The following ARID1B variants were observed in gnomAD, a reference collection of about 807,000 sequenced individuals.
ARID1B encodes the protein AT-rich interaction domain 1B, also known as AT-rich interactive domain-containing protein 1B.
A neutral mutation model predicts 212.3 loss-of-function variants in ARID1B; 30 were observed. The observed-to-expected ratio is 0.14, with a 90% CI of 0.11 to 0.19. The LOEUF is 0.19. Among genes scored for constraint, ARID1B ranks in the 10% least tolerant of loss-of-function variants. The pLI is 1.00. For missense variants in ARID1B, 2,891 were observed against 3,204.0 expected (o/e 0.90, Z 2.36); for synonymous variants, 1,402 against 1,301.7 (o/e 1.08, Z -1.66).
At chr6:157,104,006 T>G (rs1337462587) in intron 5 of ARID1B, among the ~76,000 whole-genome samples, 1 of 151,980 alleles carries the variant, frequency 6.6e-6, no homozygotes, top group African/African-American at 2.4e-5. Context: ...CGGCTAATTT[T>G]TTGTATTTTT....
At chr6:156,991,311 A>G (rs1356545223) in intron 4 of ARID1B, among the ~76,000 whole-genome samples, 2 of 152,028 alleles carry the variant, frequency 1.3e-5, no homozygotes, top group Non-Finnish European at 1.5e-5. Flanking sequence ...GCTCACTGCA[A>G]CCTCTGCCTC....
chr6:156,998,798 G>A (rs930400878), intron 4 of ARID1B, among the ~76,000 whole-genome samples: 18 of 152,182 alleles, frequency 1.2e-4, no homozygotes, highest in African/African-American at 4.1e-4. Flanking sequence ...TTTTCTCTGG[G>A]CCTCTATTCT....
chr6:156,911,732 G>A (rs978569946), intron 3 of ARID1B, among the ~76,000 whole-genome samples: 1 of 152,204 alleles, frequency 6.6e-6, no homozygotes, highest in Non-Finnish European at 1.5e-5. Context: ...TCCATTAGAA[G>A]GCTTGTGAGA....
chr6:156,803,640 T>C (rs1313311703), intron 1 of ARID1B, among the ~76,000 whole-genome samples: 1 of 152,000 alleles, frequency 6.6e-6, no homozygotes, highest in Non-Finnish European at 1.5e-5. Context: ...TCTCTTTTTT[T>C]TTTTTTTAAA....
At chr6:156,819,254 T>C (rs1411593766) in intron 1 of ARID1B, among the ~76,000 whole-genome samples, 1 of 152,250 alleles carries the variant, frequency 6.6e-6, no homozygotes, top group Non-Finnish European at 1.5e-5. Flanking sequence ...TGAACAATAC[T>C]GCATACTTAG....
chr6:157,189,851 T>C, intron 14 of ARID1B, 71 bp downstream of exon 14: 2 of 1,601,252 alleles, frequency 1.2e-6, no homozygotes, highest in Non-Finnish European at 8.5e-7. Context: ...GGGGCAAACT[T>C]CACAGAGAGA....
At chr6:156,855,454 G>A (rs1338902698) in intron 2 of ARID1B, among the ~76,000 whole-genome samples, 2 of 152,146 alleles carry the variant, frequency 1.3e-5, no homozygotes, top group Non-Finnish European at 1.5e-5. Flanking sequence ...CTGCAGGCCC[G>A]TCCACTTTGT....
At chr6:157,114,922 T>A (rs1176002555) in intron 6 of ARID1B, among the ~76,000 whole-genome samples, 2 of 152,186 alleles carry the variant, frequency 1.3e-5, no homozygotes, top group Admixed American at 1.3e-4. Flanking sequence ...CAGTTTCAAG[T>A]AGCTGAACCC....
intron 4 of ARID1B, among the ~76,000 whole-genome samples, chr6:157,082,174 A>T (rs758868676): frequency 1.3e-5 from 2 of 152,210 alleles, no homozygotes; most frequent in Non-Finnish European, 2.9e-5. Context: ...AGCTTGTACC[A>T]GTCATGATGT....
At chr6:157,129,971 C>T (rs1417710568) in intron 6 of ARID1B, among the ~76,000 whole-genome samples, 1 of 152,094 alleles carries the variant, frequency 6.6e-6, no homozygotes, top group African/African-American at 2.4e-5. Context: ...GCGTTCGAGA[C>T]CAGCCTGGCC....
chr6:156,944,005 C>A (rs899405385), intron 4 of ARID1B: 15 of 152,198 alleles, frequency 9.9e-5, no homozygotes, highest in African/African-American at 3.6e-4. Flanking sequence ...GGCAGACTCT[C>A]AGCTAAGGTT....
At chr6:157,123,362 T>G (rs1257632499) in intron 6 of ARID1B, among the ~76,000 whole-genome samples, 3 of 151,480 alleles carry the variant, frequency 2.0e-5, no homozygotes, top group Non-Finnish European at 4.4e-5. Flanking sequence ...GGCCTAAAAC[T>G]GACAAGCTGA....
chr6:157,161,427 G>GTATATATATATA (rs1259094120), intron 8 of ARID1B, among the ~76,000 whole-genome samples: 1 of 130,054 alleles, frequency 7.7e-6, no homozygotes, highest in African/African-American at 3.5e-5. Context: ...TTGATTGTGT[G>GTATATATATATA]TGTGTATATA....
Position 156,810,129 on chromosome 6 carries a change from A to G in ARID1B, c.1792-19098A>G, listed in dbSNP as rs1018129185. ...TTCTGTTCCTTGTCAGCTTATACACATGTACTATTAAATAGTCACAGTTTA... is the reference window on the plus strand; with the variant it reads ...TTCTGTTCCTTGTCAGCTTATACACGTGTACTATTAAATAGTCACAGTTTA... On this transcript the variant is annotated intron_variant, in intron 1 of 19. Transcript: ENST00000636930. 1.7e-4 allele frequency among the ~76,000 whole-genome samples: 26 copies of G among 152,216 alleles called. 1 individual carries two copies. Among genetic ancestry groups the G allele is most frequent in the Non-Finnish European group, 1.5e-5 (1 of 68,042 alleles).
At chr6:157,167,007 G>A (rs574828991) in intron 8 of ARID1B, 33 bp from the exon 9 acceptor site, 37 of 1,603,660 alleles carry the variant, frequency 2.3e-5, no homozygotes, top group Non-Finnish European at 3.0e-5. Context: ...GTGCATGGTC[G>A]GTATATGTGT....
chr6:157,135,838 G>T (rs995014340), intron 7 of ARID1B, among the ~76,000 whole-genome samples: 2 of 151,904 alleles, frequency 1.3e-5, no homozygotes, highest in African/African-American at 4.8e-5. Flanking sequence ...GACATATTCA[G>T]CTTCCTTCTT....
intron 8 of ARID1B, among the ~76,000 whole-genome samples, chr6:157,161,431 G>GTGTA (rs540423195): frequency 1.4e-4 from 20 of 139,404 alleles, no homozygotes; most frequent in Admixed American, 7.2e-4. Flanking sequence ...TTGTGTGTGT[G>GTGTA]TATATATATA....
chr6:157,071,581 TGAG>T (rs1014199847), intron 4 of ARID1B: 1 of 152,222 alleles, frequency 6.6e-6, no homozygotes, highest in African/African-American at 2.4e-5. Flanking sequence ...ACAAGATTGT[TGAG>T]GAGTTATTCC....
intron 4 of ARID1B, among the ~76,000 whole-genome samples, chr6:156,967,529 G>A (rs376976463): frequency 1.5e-3 from 213 of 139,300 alleles, no homozygotes; most frequent in African/African-American, 5.2e-3. Context: ...GAGGAGGAGG[G>A]AGAGAATGTG....
Sources: gnomAD v4.1 joint callset for allele counts (sites outside exome capture counted in the v4.1 genomes callset) on GRCh38, gnomAD v4.1.1 for gene constraint, MANE v1.5 for transcripts, NCBI Gene and HGNC (gene_info 2026-07-23, HGNC 2026-07-21) for gene names.